PKHD1L1: variants seen among roughly 807,000 people sequenced by gnomAD.
The protein encoded by PKHD1L1 is fibrocystin-L.
A neutral mutation model predicts 462.9 loss-of-function variants in PKHD1L1; 434 were observed. The ratio of observed to expected loss-of-function variants is 0.94; its 90% CI spans 0.87 to 1.02. PKHD1L1 has a LOEUF of 1.02. Ranked by LOEUF, PKHD1L1 falls within the 50% of genes least tolerant of loss-of-function variation. The pLI is 0.00. For synonymous variants in PKHD1L1, 1,781 were observed against 1,750.0 expected (o/e 1.02, Z -0.44); for missense variants, 5,202 against 5,096.1 (o/e 1.02, Z -0.63).
intron 53 of PKHD1L1, among the ~76,000 whole-genome samples, chr8:109,478,294 G>T (rs963037740): frequency 2.0e-5 from 3 of 152,120 alleles, no homozygotes; most frequent in Admixed American, 2.0e-4. Flanking sequence ...TATGTGCCAG[G>T]CATTTTGGAT....
In PKHD1L1 at chr8:109,362,664, G is replaced by A. The variant is rs550421838; in HGVS notation, c.73+11G>A. ...CGGATCCCAGCACAGGTAACCCTTT[G>A]GGCACGCTAGGCAGGCAAGCAGGAG... On this transcript the variant is annotated intron_variant, in intron 1 of 77. Transcript: ENST00000378402. The A allele has an allele frequency of 1.1e-5, 17 of 1,590,444 alleles. No individual in the cohort carries two copies. The highest frequency in any genetic ancestry group is 1.0e-4 in the South Asian group (9 of 87,330).
intron 55 of PKHD1L1, chr8:109,480,607 T>C (rs1818229322): frequency 1.3e-5 from 6 of 455,452 alleles, no homozygotes; most frequent in South Asian, 9.3e-5. Flanking sequence ...CCCACATTCC[T>C]TGTAAACCCC....
At chr8:109,461,305 C>T (rs560316618) in intron 47 of PKHD1L1, among the ~76,000 whole-genome samples, 45 of 152,116 alleles carry the variant, frequency 3.0e-4, no homozygotes, top group Non-Finnish European at 6.3e-4. Context: ...AGTTCATCTG[C>T]GTCAATTATC....
At chr8:109,449,836 C>T (rs182019990) in intron 40 of PKHD1L1, among the ~76,000 whole-genome samples, 172 of 152,208 alleles carry the variant, frequency 1.1e-3, no homozygotes, top group African/African-American at 3.5e-3. Flanking sequence ...TGAGTATCAA[C>T]GCCGATAGTG....
chr8:109,526,770 C>CT lies in PKHD1L1; in HGVS notation c.12485-5dup, dbSNP rs763323184. The CT allele has an allele frequency of 1.7e-4, 258 of 1,516,020 alleles. No individual in the cohort carries two copies. Among genetic ancestry groups the CT allele is most frequent in the Non-Finnish European group, 2.0e-4 (221 of 1,118,940 alleles). The allele number at this position is 1,516,020 out of a possible 1,614,324, so 93.9% of individuals were successfully genotyped here. ...ATAAAGGAAATCAAACACTATGATGCTTTTTTTTTCCAGGAAAAAATTATA... is the reference window on the plus strand; with the variant it reads ...ATAAAGGAAATCAAACACTATGATGCTTTTTTTTTTCCAGGAAAAAATTATA... On this transcript the variant is annotated splice_polypyrimidine_tract_variant and intron_variant, in intron 76 of 77. Coordinates refer to ENST00000378402, the MANE Select transcript of PKHD1L1 (RefSeq NM_177531.6).
chr8:109,423,610 T>A (rs1190332621), intron 23 of PKHD1L1, among the ~76,000 whole-genome samples: 1 of 152,190 alleles, frequency 6.6e-6, no homozygotes, highest in Non-Finnish European at 1.5e-5. Flanking sequence ...TTCTAGGTCC[T>A]GTGCCTTCCC....
intron 67 of PKHD1L1, among the ~76,000 whole-genome samples, chr8:109,502,988 G>GAAT (rs1819504117): frequency 1.3e-5 from 2 of 152,190 alleles, no homozygotes. Context: ...GAACTCTCAA[G>GAAT]TGGCTAAACG....
intron 1 of PKHD1L1, among the ~76,000 whole-genome samples, chr8:109,364,262 G>A (rs778924941): frequency 6.6e-6 from 1 of 152,140 alleles, no homozygotes; most frequent in Non-Finnish European, 1.5e-5. Flanking sequence ...GATTTAATAC[G>A]TGTTTTATAA....
chr8:109,389,658 G>T (rs1418805486), intron 8 of PKHD1L1, among the ~76,000 whole-genome samples: 1 of 152,012 alleles, frequency 6.6e-6, no homozygotes, highest in Non-Finnish European at 1.5e-5. Flanking sequence ...TTCCCGAGTA[G>T]CCGGGATTAC....
intron 29 of PKHD1L1, among the ~76,000 whole-genome samples, 161 bp downstream of exon 29, chr8:109,435,515 A>G (rs1231462136): frequency 6.6e-6 from 1 of 152,214 alleles, no homozygotes; most frequent in Non-Finnish European, 1.5e-5. Context: ...TGGCTGACTA[A>G]TTCTTTTGTT....
At chr8:109,478,911 C>G (rs1818132691) in intron 53 of PKHD1L1, among the ~76,000 whole-genome samples, 1 of 151,918 alleles carries the variant, frequency 6.6e-6, no homozygotes, top group Non-Finnish European at 1.5e-5. Context: ...CAAGACAAAA[C>G]AGAATCTTGA....
At chr8:109,415,865 G>GTA (rs1563752344) in intron 21 of PKHD1L1, among the ~76,000 whole-genome samples, 5 of 34,774 alleles carry the variant, frequency 1.4e-4, no homozygotes, top group African/African-American at 5.5e-4. Context: ...AAAAAAAGGG[G>GTA]TGTGTGTGTG....
At chr8:109,445,688 A>G (rs1362928473) in intron 38 of PKHD1L1, 43 bp downstream of exon 38, 2 of 1,476,040 alleles carry the variant, frequency 1.4e-6, no homozygotes, top group Non-Finnish European at 1.8e-6. Context: ...TATAGTATCG[A>G]TAATATTTAT....
intron 24 of PKHD1L1, among the ~76,000 whole-genome samples, chr8:109,426,040 T>C (rs1814729617): frequency 6.6e-6 from 1 of 152,152 alleles, no homozygotes; most frequent in African/African-American, 2.4e-5. Flanking sequence ...TCCTTTTTAG[T>C]AGTATTTCTC....
Position 109,444,751 on chromosome 8 carries a change from G to A in PKHD1L1, c.4882G>A (p.Gly1628Ser). 1 of 1,613,970 alleles carries A rather than the reference G, an allele frequency of 6.2e-7. No individual in the cohort carries two copies. The part of the protein sequence containing the change: ...HIDPQNSMDV[G>S]IRETVTLTVY... Reference sequence around the variant, plus strand: ...TGACCCTCAAAACTCAATGGATGTTGGTATCAGGGAAACTGTCACTTTGAC... The same window carrying A: ...TGACCCTCAAAACTCAATGGATGTTAGTATCAGGGAAACTGTCACTTTGAC... The change falls in exon 38 of 78, where the codon GGT becomes AGT. Residue 1628 changes from glycine to serine, a missense_variant. This residue lies in a region of PKHD1L1 where 4,497 missense variants were observed against 4,336.8 expected (regional missense o/e 1.04). Transcript: ENST00000378402.
At chr8:109,430,085 A>C (rs1287571466) in intron 27 of PKHD1L1, 48 bp downstream of exon 27, 1 of 1,216,594 alleles carries the variant, frequency 8.2e-7, no homozygotes, top group Non-Finnish European at 1.2e-6. Context: ...GATAATCAGC[A>C]AAATGTAAAC....
chr8:109,522,916 T>G (rs1820625522), intron 75 of PKHD1L1, 26 bp downstream of exon 75: 1 of 1,563,608 alleles, frequency 6.4e-7, no homozygotes, highest in African/African-American at 1.4e-5. Context: ...AAATTTTACT[T>G]AAGTGAAGGA....
At chr8:109,508,889 C>T (rs1019796235) in intron 70 of PKHD1L1, among the ~76,000 whole-genome samples, 5 of 152,004 alleles carry the variant, frequency 3.3e-5, no homozygotes, top group African/African-American at 1.2e-4. Flanking sequence ...GCTTAGGAGA[C>T]CAAGGCTTTT....
intron 21 of PKHD1L1, among the ~76,000 whole-genome samples, chr8:109,415,864 G>T (rs9656883): frequency 0.069 from 6,964 of 100,320 alleles, 227 homozygotes; most frequent in South Asian, 0.1. Context: ...AAAAAAAAGG[G>T]GTGTGTGTGT....
Sources: gnomAD v4.1 joint callset for allele counts (sites outside exome capture counted in the v4.1 genomes callset) on GRCh38, gnomAD v4.1.1 for gene constraint, gnomAD v4.1.1 regional missense constraint, MANE v1.5 for transcripts, NCBI Gene and HGNC (gene_info 2026-07-23, HGNC 2026-07-21) for gene names.